The following RNF150 variants were observed in gnomAD, a reference collection of about 807,000 sequenced individuals.
The protein encoded by RNF150 is ring finger protein 150.
A neutral mutation model predicts 39.3 loss-of-function variants in RNF150; 24 were observed. The observed-to-expected ratio is 0.61, with a 90% confidence interval of 0.44 to 0.86. The LOEUF is 0.86. Ranked by LOEUF, RNF150 falls within the 40% of genes least tolerant of loss-of-function variation. The probability of loss-of-function intolerance (pLI) is 0.00; values close to 1 mark genes in which losing one functional copy is unlikely to be tolerated. For synonymous variants in RNF150, 255 were observed against 227.3 expected, an observed-to-expected ratio of 1.12 and a Z score of -1.10; for missense variants, 502 against 587.8, an observed-to-expected ratio of 0.85 and a Z score of 1.51.
chr4:141,061,714 G>C (rs1357381600), intron 1 of RNF150, among the ~76,000 whole-genome samples: 1 of 152,086 alleles, frequency 6.6e-6, no homozygotes, highest in South Asian at 2.1e-4. Flanking sequence ...TCTGCCTAAA[G>C]AGCACAGTAG....
intron 1 of RNF150, among the ~76,000 whole-genome samples, chr4:141,202,171 C>G (rs1373306657): frequency 6.6e-6 from 1 of 152,156 alleles, no homozygotes; most frequent in Non-Finnish European, 1.5e-5. Context: ...GGATGACACT[C>G]CAGTAAATAG....
At chr4:140,953,563 A>C (rs908851942) in intron 2 of RNF150, among the ~76,000 whole-genome samples, 2 of 152,046 alleles carry the variant, frequency 1.3e-5, no homozygotes, top group African/African-American at 4.8e-5. Flanking sequence ...TAACAAAATT[A>C]GGGAAAAAAC....
intron 1 of RNF150, among the ~76,000 whole-genome samples, chr4:141,006,146 A>G (rs1734861434): frequency 6.6e-6 from 1 of 151,840 alleles, no homozygotes; most frequent in South Asian, 2.1e-4. Context: ...GGAATGTGCT[A>G]TAATTTGAAT....
At chr4:141,020,638 G>T (rs1463867816) in intron 1 of RNF150, among the ~76,000 whole-genome samples, 1 of 152,148 alleles carries the variant, frequency 6.6e-6, no homozygotes, top group Non-Finnish European at 1.5e-5. Context: ...TTTCTAAATA[G>T]TCAGGAAAAC....
At chr4:141,051,164 C>T (rs1310905144) in intron 1 of RNF150, among the ~76,000 whole-genome samples, 6 of 152,206 alleles carry the variant, frequency 3.9e-5, no homozygotes, top group East Asian at 3.9e-4. Flanking sequence ...ATGGCTGGAG[C>T]GACTGGGATG....
intron 2 of RNF150, among the ~76,000 whole-genome samples, chr4:140,964,346 T>C (rs563409770): frequency 1.5e-4 from 22 of 151,556 alleles, no homozygotes; most frequent in African/African-American, 4.6e-4. Context: ...TTGTTTATTA[T>C]GGGGCTAGTA....
intron 5 of RNF150, among the ~76,000 whole-genome samples, chr4:140,922,720 G>C (rs898626336): frequency 6.6e-6 from 1 of 151,960 alleles, no homozygotes; most frequent in Admixed American, 6.6e-5. Flanking sequence ...CTTCAAACTT[G>C]GTTACAAGGC....
Position 140,860,133 on chromosome 4 carries a change from T to C in RNF150, c.*8128A>G, listed in dbSNP as rs1019727907. 59 of 141,732 alleles carry C rather than the reference T, an allele frequency of 4.2e-4. No homozygotes were observed. Among genetic ancestry groups the C allele is most frequent in the African/African-American group, 1.4e-3 (50 of 35,682 alleles). The allele number at this position is 141,732 out of a possible 1,614,324, so 8.8% of individuals were successfully genotyped here. The stretch of plus-strand genomic sequence containing the variant: ...AGAAGACAAATTCCTTTAAAGACAG[T>C]TACTTTTTTTTTTTTTTCAATTTCT... On this transcript the variant is annotated 3_prime_UTR_variant, in exon 7 of 7. Coordinates refer to ENST00000515673, the MANE Select transcript of RNF150 (RefSeq NM_020724.2).
chr4:141,093,149 A>G (rs1286332190), intron 1 of RNF150, among the ~76,000 whole-genome samples: 1 of 152,080 alleles, frequency 6.6e-6, no homozygotes, highest in Non-Finnish European at 1.5e-5. Context: ...GGTAGATTAC[A>G]AGGTCAGGAG....
intron 6 of RNF150, among the ~76,000 whole-genome samples, chr4:140,878,647 T>C (rs1197737376): frequency 6.6e-6 from 1 of 152,234 alleles, no homozygotes; most frequent in Admixed American, 6.5e-5. Flanking sequence ...TTGTGTATCC[T>C]GGATATTAAC....
intron 1 of RNF150, among the ~76,000 whole-genome samples, chr4:141,091,097 T>G (rs1256411788): frequency 1.3e-5 from 2 of 152,156 alleles, no homozygotes; most frequent in African/African-American, 4.8e-5. Flanking sequence ...GCGATTGAGG[T>G]CTAGTTTCTG....
At chr4:141,141,598 C>A (rs1355713846) in intron 1 of RNF150, among the ~76,000 whole-genome samples, 1 of 152,172 alleles carries the variant, frequency 6.6e-6, no homozygotes, top group Non-Finnish European at 1.5e-5. Flanking sequence ...GCCAGGATTT[C>A]AAGACCAGCC....
chr4:141,106,832 ATTCTAGTCTACAATG>A (rs1172745467), intron 1 of RNF150, among the ~76,000 whole-genome samples: 3 of 152,010 alleles, frequency 2.0e-5, no homozygotes, highest in Non-Finnish European at 4.4e-5. Flanking sequence ...CATCTACAAT[ATTCTAGTCTACAATG>A]TTCTAGTCTT....
At chr4:140,888,119 T>C (rs1729642423) in intron 6 of RNF150, among the ~76,000 whole-genome samples, 1 of 152,230 alleles carries the variant, frequency 6.6e-6, no homozygotes, top group Non-Finnish European at 1.5e-5. Context: ...GAATCTCTGG[T>C]TGCTCATCTT....
At position 140,910,687 on chromosome 4, in the gene RNF150, C is replaced by T. The variant is rs182507155; in HGVS notation, c.1198+457G>A. Among the ~76,000 whole-genome samples, 55 of 143,544 alleles carry T rather than the reference C, an allele frequency of 3.8e-4. No individual in the cohort carries two copies. In the East Asian group the frequency reaches 6.1e-3, roughly 16 times the overall value. 94.2% of individuals were successfully genotyped at this position (143,544 alleles called of 152,430 possible). On this transcript the variant is annotated intron_variant, in intron 6 of 6. Coordinates refer to ENST00000515673, the MANE Select transcript of RNF150 (RefSeq NM_020724.2). ...GTCCAGACTAGTTCATACAGTCACA[C>T]GCACACTCGGGGCTCCAGTGTGTGT...
chr4:141,177,770 A>G (rs1727837868), intron 1 of RNF150, among the ~76,000 whole-genome samples: 1 of 152,122 alleles, frequency 6.6e-6, no homozygotes, highest in Non-Finnish European at 1.5e-5. Flanking sequence ...TGTTCGGCTC[A>G]TTTCATTGAT....
intron 1 of RNF150, among the ~76,000 whole-genome samples, chr4:140,985,542 A>G (rs1485948469): frequency 2.6e-5 from 4 of 152,174 alleles, no homozygotes; most frequent in Non-Finnish European, 4.4e-5. Flanking sequence ...ACATGGAAAC[A>G]AATTAGGTAT....
At position 141,132,766 on chromosome 4, in the gene RNF150, A is replaced by G. The variant is rs778320721; in HGVS notation, c.43T>C (p.Ser15Pro). ...LIQACCSLALSTWLLSFCFVH... is the reference protein window; with the variant it reads ...LIQACCSLALPTWLLSFCFVH... ...AAACAAAAGGAAAGCAGCCATGTTG[A>G]GAGAGCCAGACTGCAGCACGCTTGG... Residue 15 changes from serine (S) to proline (P), a missense_variant, in exon 1 of 7, where the codon TCA becomes CCA. Coordinates refer to ENST00000515673, the MANE Select transcript of RNF150 (RefSeq NM_020724.2). This position sits in a 1 kb window ranked among gnomAD's most constrained non-coding sequence, Gnocchi z 4.9. 3 of 1,610,452 alleles carry G rather than the reference A, an allele frequency of 1.9e-6. No homozygotes were observed. Among genetic ancestry groups the G allele is most frequent in the Non-Finnish European group, 2.5e-6 (3 of 1,178,654 alleles).
chr4:141,104,049 A>C (rs1739112097), intron 1 of RNF150, among the ~76,000 whole-genome samples: 1 of 152,200 alleles, frequency 6.6e-6, no homozygotes, highest in Admixed American at 6.5e-5. Flanking sequence ...CGTGTGTTCT[A>C]ATCGGGGATT....
Sources: gnomAD v4.1 joint callset for allele counts (sites outside exome capture counted in the v4.1 genomes callset) on GRCh38, gnomAD v4.1.1 for gene constraint, Gnocchi (gnomAD v3.1) non-coding constraint, MANE v1.5 for transcripts, NCBI Gene and HGNC (gene_info 2026-07-23, HGNC 2026-07-21) for gene names.